HS6ST2: variants seen among roughly 807,000 people sequenced by gnomAD.
HS6ST2 encodes heparan sulfate 6-O-sulfotransferase 2.
Under a neutral mutation model 33.0 loss-of-function variants are expected in HS6ST2, and 17 were observed. That is an observed-to-expected ratio of 0.52 (90% CI 0.35 to 0.77). The LOEUF is 0.77. HS6ST2 is among the 30% of genes least tolerant of loss of function. HS6ST2 has a pLI of 0.01. For missense variants in HS6ST2, 519 were observed against 551.7 expected, an observed-to-expected ratio of 0.94 and a Z score of 0.59; for synonymous variants, 248 against 237.1, an observed-to-expected ratio of 1.05 and a Z score of -0.42.
At chrX:132,653,809 A>G (rs748139215) in intron 4 of HS6ST2, among the ~76,000 whole-genome samples, 4 of 112,067 alleles carry the variant, frequency 3.6e-5, no homozygotes, top group East Asian at 2.8e-4. Context: ...GAACAGGAGG[A>G]GGAGAATGTT....
chrX:132,828,714 A>T (rs192634166), intron 2 of HS6ST2, among the ~76,000 whole-genome samples: 1 of 86,291 alleles, frequency 1.2e-5, no homozygotes, highest in African/African-American at 4.6e-5. Context: ...ACACACACAC[A>T]CACACACACA....
intron 2 of HS6ST2, among the ~76,000 whole-genome samples, chrX:132,814,642 T>C (rs2065379797): frequency 9.0e-6 from 1 of 111,660 alleles, no homozygotes; most frequent in African/African-American, 3.3e-5. Flanking sequence ...CCCAAGTAGC[T>C]GGGATTACAG....
chrX:132,930,230 C>T (rs981158505), intron 2 of HS6ST2, among the ~76,000 whole-genome samples: 1 of 111,080 alleles, frequency 9.0e-6, no homozygotes, highest in East Asian at 2.8e-4. Context: ...GGCATGATCT[C>T]GGCTCACTGC....
intron 2 of HS6ST2, among the ~76,000 whole-genome samples, chrX:132,749,609 C>A (rs1433290365): frequency 8.9e-6 from 1 of 112,145 alleles, no homozygotes; most frequent in Non-Finnish European, 1.9e-5. Context: ...AAGTGACTGA[C>A]ACCCCTGAGC....
intron 2 of HS6ST2, among the ~76,000 whole-genome samples, chrX:132,899,938 C>A (rs1246183439): frequency 9.0e-6 from 1 of 110,525 alleles, no homozygotes; most frequent in Admixed American, 9.7e-5. Context: ...AAACTGACAC[C>A]TTATCATTCT....
intron 2 of HS6ST2, among the ~76,000 whole-genome samples, chrX:132,732,724 G>A (rs1248382312): frequency 9.0e-6 from 1 of 111,689 alleles, no homozygotes; most frequent in East Asian, 2.8e-4. Context: ...CCCCAGCCAT[G>A]TGGAACTGTG....
chrX:132,724,445 TAGTC>T (rs1249435732), intron 2 of HS6ST2, among the ~76,000 whole-genome samples: 2 of 111,445 alleles, frequency 1.8e-5, no homozygotes, highest in South Asian at 3.7e-4. Flanking sequence ...GGAATCAACT[TAGTC>T]AAAGAAAAAG....
chrX:132,821,506 T>C (rs1274985099), intron 2 of HS6ST2, among the ~76,000 whole-genome samples: 1 of 110,144 alleles, frequency 9.1e-6, no homozygotes, highest in East Asian at 2.9e-4. Context: ...GCCACCGCAC[T>C]TGGCCCCCGT....
At chrX:132,758,097 G>A (rs1057374655) in intron 2 of HS6ST2, among the ~76,000 whole-genome samples, 1 of 112,232 alleles carries the variant, frequency 8.9e-6, no homozygotes, top group African/African-American at 3.2e-5. Context: ...AAAAATACTT[G>A]TCAAATTTAC....
chrX:132,855,951 G>GT (rs969916429), intron 2 of HS6ST2, among the ~76,000 whole-genome samples: 4 of 110,659 alleles, frequency 3.6e-5, no homozygotes, highest in African/African-American at 1.3e-4. Flanking sequence ...AAGGCAGGCC[G>GT]TTTTTTGAGT....
At chrX:132,825,833 T>C (rs1366277497) in intron 2 of HS6ST2, among the ~76,000 whole-genome samples, 6 of 111,972 alleles carry the variant, frequency 5.4e-5, no homozygotes, top group African/African-American at 1.9e-4. Context: ...CACAATTTCC[T>C]TTATGTGAAT....
At chrX:132,676,233 A>C (rs2063922748) in intron 3 of HS6ST2, among the ~76,000 whole-genome samples, 1 of 112,284 alleles carries the variant, frequency 8.9e-6, no homozygotes, top group East Asian at 2.8e-4. Context: ...GAATGTGTTT[A>C]CTCTGTGCCC....
At chrX:132,728,175 G>A (rs190979881) in intron 2 of HS6ST2, among the ~76,000 whole-genome samples, 1 of 111,832 alleles carries the variant, frequency 8.9e-6, no homozygotes, top group Admixed American at 9.5e-5. Flanking sequence ...TAGAATTGCC[G>A]GATCATATAA....
intron 4 of HS6ST2, among the ~76,000 whole-genome samples, chrX:132,632,190 C>A (rs187055483): frequency 9.0e-6 from 1 of 111,331 alleles, no homozygotes; most frequent in African/African-American, 3.3e-5. Context: ...ATGACAAAAC[C>A]TGCAGAGATT....
At chrX:132,675,542 T>C (rs1334682918) in intron 3 of HS6ST2, among the ~76,000 whole-genome samples, 1 of 111,837 alleles carries the variant, frequency 8.9e-6, no homozygotes, top group African/African-American at 3.3e-5. Context: ...GCCCATAGTC[T>C]GCTTCTCCCC....
intron 2 of HS6ST2, among the ~76,000 whole-genome samples, chrX:132,811,599 T>C (rs1476621912): frequency 9.8e-6 from 1 of 101,769 alleles, no homozygotes; most frequent in Non-Finnish European, 2.0e-5. Context: ...TCACTTAGCA[T>C]AATGTCTTCA....
intron 3 of HS6ST2, among the ~76,000 whole-genome samples, chrX:132,670,823 CA>C (rs1210352336): frequency 1.1e-4 from 12 of 111,043 alleles, no homozygotes; most frequent in African/African-American, 3.3e-4. Context: ...AAGAATAAAA[CA>C]AAACAAAAAA....
chrX:132,823,403 G>GT (rs1354437812), intron 2 of HS6ST2, among the ~76,000 whole-genome samples: 8 of 110,093 alleles, frequency 7.3e-5, no homozygotes, highest in East Asian at 5.7e-4. Flanking sequence ...CTAATGTGTA[G>GT]TTTTTTTTAA....
intron 2 of HS6ST2, among the ~76,000 whole-genome samples, chrX:132,953,622 C>T (rs1385120792): frequency 1.8e-5 from 2 of 111,729 alleles, no homozygotes; most frequent in Non-Finnish European, 3.8e-5. Context: ...TCCAACCAGG[C>T]CTCAGCCCGC....
Sources: allele counts gnomAD v4.1 joint callset (sites outside exome capture counted in the v4.1 genomes callset), GRCh38; gene constraint gnomAD v4.1.1; transcripts MANE v1.5; gene names NCBI Gene and HGNC (gene_info 2026-07-23, HGNC 2026-07-21).